Variants in TRPC3 observed in about 807,000 individuals in gnomAD.
The protein encoded by TRPC3 is transient receptor potential cation channel subfamily C member 3.
A neutral mutation model predicts 90.9 loss-of-function variants in TRPC3; 54 were observed. That is an observed-to-expected ratio of 0.59 (90% CI 0.48 to 0.75). TRPC3 has a LOEUF of 0.75. Ranked by LOEUF, TRPC3 falls within the 30% of genes least tolerant of loss-of-function variation. The pLI, the probability that TRPC3 is intolerant of heterozygous loss-of-function variation, is 0.00. For synonymous variants in TRPC3, 424 were observed against 450.9 expected (o/e 0.94, Z 0.75); for missense variants, 918 against 1,194.5 (o/e 0.77, Z 3.41).
rs1727759888 is a variant in TRPC3, at chr4:121,876,277, C to T, written c.*3459G>A. Reference sequence around the variant, plus strand: ...AGCCTGGACAACATAGTGAGACCCGCCTCTAAAAATGTATTTTAAAAACTT... The same window carrying T: ...AGCCTGGACAACATAGTGAGACCCGTCTCTAAAAATGTATTTTAAAAACTT... On this transcript the variant is annotated 3_prime_UTR_variant, in exon 12 of 12. Transcript: ENST00000379645. 6.6e-6 allele frequency among the ~76,000 whole-genome samples: 1 copy of T among 151,808 alleles called. No homozygotes were observed. Among genetic ancestry groups the T allele is most frequent in the Admixed American group, 6.6e-5 (1 of 15,232 alleles).
intron 10 of TRPC3, among the ~76,000 whole-genome samples, chr4:121,887,895 G>A (rs932644853): frequency 6.6e-6 from 1 of 151,696 alleles, no homozygotes; most frequent in African/African-American, 2.4e-5. Flanking sequence ...AAAAAATCAC[G>A]CCCAGTTAAA....
chr4:121,898,893 TC>T (rs1728608146), intron 10 of TRPC3, among the ~76,000 whole-genome samples: 1 of 152,016 alleles, frequency 6.6e-6, no homozygotes, highest in Non-Finnish European at 1.5e-5. Flanking sequence ...ACTTTGACAA[TC>T]AGTGGGCTGA....
At position 121,925,520 on chromosome 4, in the gene TRPC3, C is replaced by T. The variant is rs374984860; in HGVS notation, c.988-314G>A. On this transcript the variant is annotated intron_variant, in intron 2 of 11. Coordinates refer to ENST00000379645, the MANE Select transcript of TRPC3 (RefSeq NM_001130698.2). ...AAAAGTGGCTACCAGAGGCAGGGGG[C>T]GGGAGTAGGAGGTAGGGTGAAGTAG... Among the ~76,000 whole-genome samples the T allele has an allele frequency of 1.1e-4, 17 of 151,834 alleles. 1 individual carries two copies. Among genetic ancestry groups the T allele is most frequent in the South Asian group, 8.4e-4 (4 of 4,786 alleles).
chr4:121,897,905 G>T (rs1423169984), intron 10 of TRPC3, among the ~76,000 whole-genome samples: 1 of 152,032 alleles, frequency 6.6e-6, no homozygotes, highest in Non-Finnish European at 1.5e-5. Flanking sequence ...ATCAACCTAG[G>T]TGTCTAACAG....
intron 9 of TRPC3, among the ~76,000 whole-genome samples, chr4:121,899,921 G>T (rs1728645876): frequency 6.6e-6 from 1 of 152,236 alleles, no homozygotes; most frequent in East Asian, 1.9e-4. Flanking sequence ...TACTGTAATA[G>T]AACTATTTAA....
rs568641078 is a variant in TRPC3 at position 121,914,796 on chromosome 4, A to T, written c.1325T>A (p.Ile442Asn). 2 of 1,611,722 alleles carry T rather than the reference A, an allele frequency of 1.2e-6. No homozygotes were observed. Among genetic ancestry groups the T allele is most frequent in the South Asian group, 2.2e-5 (2 of 90,812 alleles). ...AGCAAGTACCCTGCTGCAAGGTGCG[A>T]TCCAGTAGCCAATGGCCAGGAATGG... Reference protein sequence around the residue: ...GLPFLAIGYWIAPCSRLGKIL... With the variant: ...GLPFLAIGYWNAPCSRLGKIL... Residue 442 changes from isoleucine to asparagine, a missense_variant, in exon 4 of 12, where the codon ATC becomes AAC. Transcript: ENST00000379645.
At chr4:121,889,803 A>G (rs537437903) in intron 10 of TRPC3, among the ~76,000 whole-genome samples, 6 of 152,198 alleles carry the variant, frequency 3.9e-5, no homozygotes, top group Admixed American at 1.3e-4. Context: ...TGATCCAGCA[A>G]TCCCACTACT....
intron 1 of TRPC3, among the ~76,000 whole-genome samples, chr4:121,948,026 CTTTG>C (rs1730551522): frequency 6.6e-6 from 1 of 152,124 alleles, no homozygotes; most frequent in South Asian, 2.1e-4. Flanking sequence ...CTTGGACTCC[CTTTG>C]TTTCTCTCTT....
intron 1 of TRPC3, among the ~76,000 whole-genome samples, chr4:121,948,377 T>TCC (rs5861550): frequency 5.6e-4 from 83 of 149,274 alleles, no homozygotes; most frequent in South Asian, 1.5e-3. Context: ...TTTTTTTTTT[T>TCC]CCCTCAATTT....
chr4:121,949,977 A>G (rs1730629096), intron 1 of TRPC3, among the ~76,000 whole-genome samples: 1 of 152,194 alleles, frequency 6.6e-6, no homozygotes, highest in South Asian at 2.1e-4. Flanking sequence ...TAAAAGGAAT[A>G]AAAAAACAGC....
At chr4:121,916,330 A>C (rs945609326) in intron 3 of TRPC3, among the ~76,000 whole-genome samples, 5 of 152,196 alleles carry the variant, frequency 3.3e-5, no homozygotes, top group African/African-American at 9.7e-5. Context: ...GAGTGCACCC[A>C]GTGTAAAGTC....
chr4:121,923,147 C>A (rs1211942666), intron 3 of TRPC3, among the ~76,000 whole-genome samples: 2 of 151,972 alleles, frequency 1.3e-5, no homozygotes, highest in Non-Finnish European at 2.9e-5. Context: ...TGCTAGGGTG[C>A]AAACATTGGC....
At chr4:121,947,652 A>C (rs1730539828) in intron 1 of TRPC3, among the ~76,000 whole-genome samples, 1 of 152,216 alleles carries the variant, frequency 6.6e-6, no homozygotes, top group South Asian at 2.1e-4. Context: ...AAGTGATGAC[A>C]ATGATTTAAA....
intron 1 of TRPC3, among the ~76,000 whole-genome samples, chr4:121,935,229 T>C (rs1291738591): frequency 6.6e-6 from 1 of 152,206 alleles, no homozygotes; most frequent in African/African-American, 2.4e-5. Context: ...ATTCCTTGGT[T>C]GACAAAAATG....
intron 11 of TRPC3, 80 bp downstream of exon 11, chr4:121,882,274 T>C (rs1727970049): frequency 1.5e-6 from 2 of 1,320,918 alleles, no homozygotes; most frequent in Admixed American, 4.6e-5. Context: ...ATTGGATTTT[T>C]AAAATATGCC....
In TRPC3 at chr4:121,948,048, C is replaced by T. The variant is rs374388814; in HGVS notation, c.215+3418G>A. On this transcript the variant is annotated intron_variant, in intron 1 of 11. Transcript: ENST00000379645. ...TCCCTTTGTTTCTCTCTTCACACTC[C>T]TTTGAGTAATCTCATGTAGTCACAC... Among the ~76,000 whole-genome samples, 6 of 152,272 alleles carry T rather than the reference C, an allele frequency of 3.9e-5. No homozygotes were observed. The East Asian group carries it at 1.2e-3, about 29-fold the overall frequency.
intron 10 of TRPC3, among the ~76,000 whole-genome samples, chr4:121,897,926 T>C (rs1728575621): frequency 6.6e-6 from 1 of 152,090 alleles, no homozygotes; most frequent in South Asian, 2.1e-4. Context: ...CAGATGAATG[T>C]ATAAAAAATG....
intron 7 of TRPC3, among the ~76,000 whole-genome samples, chr4:121,906,014 G>A (rs1039221202): frequency 2.6e-5 from 4 of 151,854 alleles, no homozygotes; most frequent in South Asian, 2.1e-4. Context: ...GCTTCTCCTC[G>A]AATCTATATG....
chr4:121,929,884 C>A (rs1245693476), intron 2 of TRPC3, among the ~76,000 whole-genome samples: 1 of 150,672 alleles, frequency 6.6e-6, no homozygotes, highest in Non-Finnish European at 1.5e-5. Flanking sequence ...TTTTTAATTT[C>A]AAGGCTAATA....
Sources: gnomAD v4.1 joint callset for allele counts (sites outside exome capture counted in the v4.1 genomes callset) on GRCh38, gnomAD v4.1.1 for gene constraint, MANE v1.5 for transcripts, NCBI Gene and HGNC (gene_info 2026-07-23, HGNC 2026-07-21) for gene names.